The following PLAGL1 variants were observed in gnomAD, a reference collection of about 807,000 sequenced individuals.
The protein encoded by PLAGL1 is zinc finger protein PLAGL1.
Under a neutral mutation model 4.6 loss-of-function variants are expected in PLAGL1, and 1 was observed. That is an observed-to-expected ratio of 0.22 (90% CI 0.08 to 1.03). The LOEUF (loss-of-function observed/expected upper bound fraction) is 1.03, where lower values mean the gene tolerates loss of function less well. Ranked by LOEUF, PLAGL1 falls within the 50% of genes least tolerant of loss-of-function variation. The pLI is 0.58. For synonymous variants in PLAGL1, 240 were observed against 237.8 expected (o/e 1.01, Z -0.08); for missense variants, 464 against 570.4 (o/e 0.81, Z 1.90).
chr6:144,031,762 A>G (rs1401763004), intron 1 of PLAGL1, among the ~76,000 whole-genome samples: 1 of 152,114 alleles, frequency 6.6e-6, no homozygotes, highest in African/African-American at 2.4e-5. Flanking sequence ...GCCTTAGAGT[A>G]CAGTTTGACG....
chr6:144,047,899 T>C (rs1163082619), intron 1 of PLAGL1, among the ~76,000 whole-genome samples: 2 of 152,064 alleles, frequency 1.3e-5, no homozygotes, highest in South Asian at 2.1e-4. Context: ...AAGTCTCTTC[T>C]GAGACAAGGC....
At position 144,059,743 on chromosome 6, in the gene PLAGL1, T is replaced by C. The variant is rs1799245101; in HGVS notation, c.-151+4725A>G. On this transcript the variant is annotated intron_variant, in intron 1 of 3. Coordinates refer to the PLAGL1 transcript ENST00000437412. The surrounding 1 kb of genome is among the most constrained non-coding windows in gnomAD (Gnocchi z 4.9). The stretch of plus-strand genomic sequence containing the variant: ...GTCACTGGCTGCATTAAGCTTTGTC[T>C]TGCCATTAATAATATTTTCCATCCC... 6.6e-6 allele frequency among the ~76,000 whole-genome samples: 1 copy of C among 152,238 alleles called. No individual in the cohort carries two copies. The highest frequency in any genetic ancestry group is 2.4e-5 in the African/African-American group (1 of 41,458).
At position 143,973,647 on chromosome 6, in the gene PLAGL1, A is replaced by G. The variant is rs1368101638; in HGVS notation, c.-543-4669T>C. ...TCTTTCATGTCACCGTACCCAAACTATATGGAAACTTTATTCTCAATCGAA... is the reference window on the plus strand; with the variant it reads ...TCTTTCATGTCACCGTACCCAAACTGTATGGAAACTTTATTCTCAATCGAA... On this transcript the variant is annotated intron_variant, in intron 2 of 7. Coordinates refer to ENST00000674357, the MANE Select transcript of PLAGL1 (RefSeq NM_001317162.2). This position sits in a 1 kb window ranked among gnomAD's most constrained non-coding sequence, Gnocchi z 6.2. Among the ~76,000 whole-genome samples, 8 of 152,166 alleles carry G rather than the reference A, an allele frequency of 5.3e-5. No individual in the cohort carries two copies. Among genetic ancestry groups the G allele is most frequent in the African/African-American group, 1.9e-4 (8 of 41,444 alleles).
intron 2 of PLAGL1, among the ~76,000 whole-genome samples, chr6:143,976,757 T>TA (rs1786641576): frequency 6.6e-6 from 1 of 152,212 alleles, no homozygotes; most frequent in Non-Finnish European, 1.5e-5. Flanking sequence ...TAACCACCCC[T>TA]AATTCTATCT....
At chr6:144,002,883 CTT>C (rs34276412) in intron 1 of PLAGL1, among the ~76,000 whole-genome samples, 5 of 144,018 alleles carry the variant, frequency 3.5e-5, no homozygotes, top group East Asian at 2.0e-4. Context: ...TTCTGGTAGG[CTT>C]TTTTTTTTTT....
intron 2 of PLAGL1, among the ~76,000 whole-genome samples, chr6:143,977,471 T>C (rs1786922270): frequency 5.4e-4 from 2 of 3,696 alleles, no homozygotes; most frequent in African/African-American, 2.1e-3. Flanking sequence ...CTTCTTCTTC[T>C]TTTTTTTTTT....
At chr6:144,021,097 T>C (rs1041554631) in intron 1 of PLAGL1, among the ~76,000 whole-genome samples, 2 of 151,842 alleles carry the variant, frequency 1.3e-5, no homozygotes, top group African/African-American at 4.8e-5. Context: ...TGTACTATGC[T>C]CCTCCCACAA....
intron 1 of PLAGL1, among the ~76,000 whole-genome samples, chr6:143,993,370 A>ACACACACACACACAC (rs1790947795): frequency 6.8e-6 from 1 of 147,514 alleles, no homozygotes; most frequent in Non-Finnish European, 1.5e-5. Flanking sequence ...ACACACACAC[A>ACACACACACACACAC]ATTGACATGT....
rs961108545 is a variant in PLAGL1 at position 143,942,798 on chromosome 6, T to A, written c.153-135A>T. On this transcript the variant is annotated intron_variant, in intron 7 of 7. Transcript: ENST00000674357. This position sits in a 1 kb window ranked among gnomAD's most constrained non-coding sequence, Gnocchi z 7.6. ...TAATTTTCAAAATTCTTTCATATATTTTCCAAATATATAAACTTTTATAAT... is the reference window on the plus strand; with the variant it reads ...TAATTTTCAAAATTCTTTCATATATATTCCAAATATATAAACTTTTATAAT... 1.5e-5 allele frequency: 9 copies of A among 619,162 alleles called. No homozygotes were observed. The highest frequency in any genetic ancestry group is 1.0e-4 in the Admixed American group (3 of 29,710). 38.4% of individuals were successfully genotyped at this position (619,162 alleles called of 1,614,324 possible). A position where few individuals can be genotyped will look rare whatever the true frequency, so the allele number is the denominator to read the frequency against.
At position 143,954,636 on chromosome 6, in the gene PLAGL1, TAACAA is replaced by T. The variant is rs1043980936; in HGVS notation, c.-325+5828_-325+5832del. On this transcript the variant is annotated intron_variant, in intron 6 of 7. Coordinates refer to ENST00000674357, the MANE Select transcript of PLAGL1 (RefSeq NM_001317162.2). The surrounding 1 kb of genome is among the most constrained non-coding windows in gnomAD (Gnocchi z 5.1). ...AAAGGAGAGGAGATGATTTTTAAAC[TAACAA>T]AACAGAGTATACTATCTTCATCACA... Among the ~76,000 whole-genome samples the T allele has an allele frequency of 1.3e-5, 2 of 152,208 alleles. No individual in the cohort carries two copies. The highest frequency in any genetic ancestry group is 2.4e-5 in the African/African-American group (1 of 41,460).
In PLAGL1 at chr6:143,970,042, C is replaced by T. The variant is rs1785134151; in HGVS notation, c.-543-1064G>A. Among the ~76,000 whole-genome samples, 1 of 152,150 alleles carries T rather than the reference C, an allele frequency of 6.6e-6. No homozygotes were observed. The highest frequency in any genetic ancestry group is 1.5e-5 in the Non-Finnish European group (1 of 68,026). ...AATAACTTAAACCCATCAACCCTCA[C>T]CTCCACAGATATAAATTCATTACTG... On this transcript the variant is annotated intron_variant, in intron 2 of 7. Coordinates refer to ENST00000674357, the MANE Select transcript of PLAGL1 (RefSeq NM_001317162.2). The surrounding 1 kb of genome is among the most constrained non-coding windows in gnomAD (Gnocchi z 5.8).
chr6:144,016,110 G>GTA lies in PLAGL1; in HGVS notation c.-150-47134_-150-47133dup, dbSNP rs144572193. Among the ~76,000 whole-genome samples the GTA allele has an allele frequency of 0.03, 4,454 of 150,862 alleles. 185 individuals carry two copies. The highest frequency in any genetic ancestry group is 0.14 in the East Asian group (735 of 5,146). The stretch of plus-strand genomic sequence containing the variant: ...GAACTAATAAGAGATATACATATGT[G>GTA]TATATATATATATACACACACATAT... On this transcript the variant is annotated intron_variant, in intron 1 of 3. Transcript: ENST00000437412. The surrounding 1 kb of genome is among the most constrained non-coding windows in gnomAD (Gnocchi z 4.2).
intron 1 of PLAGL1, among the ~76,000 whole-genome samples, chr6:143,998,181 A>G (rs1415601056): frequency 6.6e-6 from 1 of 152,230 alleles, no homozygotes; most frequent in African/African-American, 2.4e-5. Context: ...TCCAAAGAAA[A>G]TAGGAGTACA....
intron 1 of PLAGL1, among the ~76,000 whole-genome samples, chr6:143,987,210 A>G (rs551970597): frequency 4.6e-5 from 7 of 151,780 alleles, no homozygotes; most frequent in Non-Finnish European, 1.0e-4. Flanking sequence ...GCTTTTATTT[A>G]TTTATTTATT....
chr6:143,957,445 AC>A lies in PLAGL1; in HGVS notation c.-325+3023del, dbSNP rs1409036364. ...ACATCCCCCTCCTCACTCCCTAGAA[AC>A]CCTTGAGTCTCGCCTTTAGGCCCTT... is the stretch of plus-strand genomic sequence containing the variant. On this transcript the variant is annotated intron_variant, in intron 6 of 7. Transcript: ENST00000674357. The surrounding 1 kb of genome is among the most constrained non-coding windows in gnomAD (Gnocchi z 4.2). Among the ~76,000 whole-genome samples the A allele has an allele frequency of 6.6e-6, 1 of 152,100 alleles. No homozygotes were observed. The highest frequency in any genetic ancestry group is 1.5e-5 in the Non-Finnish European group (1 of 68,024).
intron 1 of PLAGL1, chr6:144,007,096 C>G (rs1328343899): frequency 6.6e-6 from 1 of 152,210 alleles, no homozygotes; most frequent in African/African-American, 2.4e-5. Context: ...GTCAACTTTT[C>G]CAGATCCTTA....
chr6:144,054,378 G>A (rs986627407), intron 1 of PLAGL1, among the ~76,000 whole-genome samples: 1 of 152,192 alleles, frequency 6.6e-6, no homozygotes, highest in Non-Finnish European at 1.5e-5. Context: ...ACTGGATAAA[G>A]AAAATGTGGT....
chr6:144,001,850 T>C (rs945665462), intron 1 of PLAGL1, among the ~76,000 whole-genome samples: 1 of 152,086 alleles, frequency 6.6e-6, no homozygotes, highest in African/African-American at 2.4e-5. Flanking sequence ...TAAATCCAAA[T>C]TGAGATGCAT....
intron 1 of PLAGL1, among the ~76,000 whole-genome samples, chr6:144,017,112 T>G (rs879399527): frequency 1.3e-5 from 2 of 152,198 alleles, no homozygotes; most frequent in Non-Finnish European, 2.9e-5. Flanking sequence ...TTTAGTGTGT[T>G]CAACTCAACA....
Sources: allele counts gnomAD v4.1 joint callset (sites outside exome capture counted in the v4.1 genomes callset), GRCh38; gene constraint gnomAD v4.1.1; non-coding constraint Gnocchi (gnomAD v3.1); transcripts MANE v1.5; gene names NCBI Gene and HGNC (gene_info 2026-07-23, HGNC 2026-07-21).